WDPCP: variants seen among roughly 807,000 people sequenced by gnomAD.
WDPCP encodes WD repeat-containing and planar cell polarity effector protein fritz homolog.
WDPCP carries 71 observed loss-of-function variants against 93.1 expected under a neutral mutation model. That is an observed-to-expected ratio of 0.76 (90% CI 0.63 to 0.93). The LOEUF (loss-of-function observed/expected upper bound fraction) is 0.93, where lower values mean the gene tolerates loss of function less well. Among genes scored for constraint, WDPCP ranks in the 40% least tolerant of loss-of-function variants. WDPCP has a pLI of 0.00. For missense variants in WDPCP, 844 were observed against 887.4 expected (o/e 0.95, Z 0.62); for synonymous variants, 315 against 315.0 (o/e 1.00, Z 0.00).
chr2:63,259,293 G>A lies in WDPCP; in HGVS notation c.1915+14C>T. On this transcript the variant is annotated intron_variant, in intron 14 of 17. Transcript: ENST00000272321. ...TTAAAATAAAAAGCACTTAAAAATA[G>A]CGTTAATTCTTACCAACCCCAGAGG... 1 of 1,600,682 alleles carries A rather than the reference G, an allele frequency of 6.2e-7. No individual in the cohort carries two copies. The highest frequency in any genetic ancestry group is 8.6e-7 in the Non-Finnish European group (1 of 1,169,208).
At chr2:63,481,127 C>CA (rs1263800360) in intron 6 of WDPCP, among the ~76,000 whole-genome samples, 1 of 151,250 alleles carries the variant, frequency 6.6e-6, no homozygotes, top group Non-Finnish European at 1.5e-5. Context: ...GGCCAGCAAA[C>CA]ACATGGAAAA....
chr2:63,292,567 T>G (rs928026819), intron 13 of WDPCP, among the ~76,000 whole-genome samples: 1 of 152,162 alleles, frequency 6.6e-6, no homozygotes, highest in Non-Finnish European at 1.5e-5. Context: ...AGCAGTGGCT[T>G]TTTGCTATGC....
intron 1 of WDPCP, among the ~76,000 whole-genome samples, chr2:63,817,734 G>A (rs1162467803): frequency 6.6e-6 from 1 of 152,090 alleles, no homozygotes; most frequent in Non-Finnish European, 1.5e-5. Context: ...CTCTACTAAA[G>A]TTATAGTCTG....
intron 12 of WDPCP, among the ~76,000 whole-genome samples, chr2:63,319,299 A>G (rs148343135): frequency 1.1e-4 from 16 of 152,258 alleles, no homozygotes; most frequent in African/African-American, 3.9e-4. Flanking sequence ...GTATACAGTG[A>G]AAGGAAAGGG....
intron 15 of WDPCP, among the ~76,000 whole-genome samples, chr2:63,172,233 T>G (rs1673445627): frequency 6.6e-6 from 1 of 152,158 alleles, no homozygotes. Flanking sequence ...TATCCAGATA[T>G]GGTGGCTCAC....
intron 17 of WDPCP, among the ~76,000 whole-genome samples, chr2:63,136,764 A>G (rs1670649077): frequency 6.6e-6 from 1 of 151,976 alleles, no homozygotes; most frequent in Admixed American, 6.6e-5. Flanking sequence ...CTATGTGTCC[A>G]TGTGTTCTCA....
intron 2 of WDPCP, among the ~76,000 whole-genome samples, chr2:63,736,077 A>G (rs1176416174): frequency 1.3e-5 from 2 of 152,296 alleles, no homozygotes; most frequent in Admixed American, 6.5e-5. Flanking sequence ...CCCACCTCCA[A>G]TTTTACTGAC....
intron 17 of WDPCP, among the ~76,000 whole-genome samples, chr2:63,151,663 C>T (rs1006351932): frequency 6.6e-5 from 10 of 152,078 alleles, no homozygotes; most frequent in African/African-American, 9.7e-5. Flanking sequence ...TGTAATATGG[C>T]GTATTTCCCT....
At chr2:63,410,975 G>A (rs970384558) in intron 9 of WDPCP, among the ~76,000 whole-genome samples, 4 of 152,096 alleles carry the variant, frequency 2.6e-5, no homozygotes, top group Admixed American at 6.5e-5. Context: ...AACAGCACTA[G>A]ACAGGTCATC....
intron 2 of WDPCP, among the ~76,000 whole-genome samples, chr2:63,492,322 C>T (rs937438637): frequency 6.6e-6 from 1 of 151,714 alleles, no homozygotes; most frequent in Non-Finnish European, 1.5e-5. Flanking sequence ...TTGTGAAAAA[C>T]AAAGAACATG....
chr2:63,401,506 G>A (rs1694151229), intron 10 of WDPCP, among the ~76,000 whole-genome samples: 1 of 152,190 alleles, frequency 6.6e-6, no homozygotes, highest in African/African-American at 2.4e-5. Flanking sequence ...AGGTGCAGTG[G>A]CTCACACTTG....
At chr2:63,706,694 G>T (rs1235809779) in intron 2 of WDPCP, among the ~76,000 whole-genome samples, 1 of 135,104 alleles carries the variant, frequency 7.4e-6, no homozygotes, top group Non-Finnish European at 1.5e-5. Context: ...TCGGCTCACT[G>T]CAAGCTCCGC....
rs562419279 is a variant in WDPCP, at chr2:63,401,281, A to G, written c.1435+2767T>C. 2.0e-5 allele frequency among the ~76,000 whole-genome samples: 3 copies of G among 152,348 alleles called. 1 individual carries two copies. The highest frequency in any genetic ancestry group is 7.2e-5 in the African/African-American group (3 of 41,590). On this transcript the variant is annotated intron_variant, in intron 10 of 17. Coordinates refer to ENST00000272321, the MANE Select transcript of WDPCP (RefSeq NM_015910.7). ...GTCTAATATCCAGAATCTACAAGGAACTTAAACAAATTTACAAGAACAAAA... is the reference window on the plus strand; with the variant it reads ...GTCTAATATCCAGAATCTACAAGGAGCTTAAACAAATTTACAAGAACAAAA...
rs1358815276 is a variant in WDPCP, at chr2:63,622,867, A to G, written n.488+27792T>C. On this transcript the variant is annotated intron_variant and non_coding_transcript_variant, in intron 3 of 4. Coordinates refer to the WDPCP transcript ENST00000467687. Reference sequence around the variant, plus strand: ...GAAGTGGGCTCAGCACCCGCGCAGCATCAGGGGTGCGGAGCCTGGGAGGCA... The same window carrying G: ...GAAGTGGGCTCAGCACCCGCGCAGCGTCAGGGGTGCGGAGCCTGGGAGGCA... The G allele has an allele frequency of 3.9e-6, 6 of 1,550,902 alleles. No homozygotes were observed. In the Admixed American group the frequency reaches 5.2e-5, roughly 13 times the overall value.
rs976647988 is a variant in WDPCP, at chr2:63,269,542, A to C, written c.1813-10133T>G. ...TGAATATGCAAATTTACAGCAAAAA[A>C]AGCATTTAAAGCTAAAAAAATCTTG... On this transcript the variant is annotated intron_variant, in intron 13 of 17. Transcript: ENST00000272321. Among the ~76,000 whole-genome samples the C allele has an allele frequency of 2.0e-5, 3 of 152,292 alleles. No homozygotes were observed. The South Asian group carries it at 6.2e-4, about 32-fold the overall frequency.
intron 9 of WDPCP, among the ~76,000 whole-genome samples, chr2:63,423,523 C>G (rs1696027561): frequency 6.6e-6 from 1 of 152,092 alleles, no homozygotes; most frequent in Non-Finnish European, 1.5e-5. Flanking sequence ...GGTTTAATAG[C>G]TCTGCTTATA....
intron 2 of WDPCP, among the ~76,000 whole-genome samples, chr2:63,688,107 T>C (rs1369986108): frequency 6.6e-6 from 1 of 152,166 alleles, no homozygotes; most frequent in Non-Finnish European, 1.5e-5. Context: ...ACATCACATG[T>C]TCTTATTTAT....
intron 1 of WDPCP, among the ~76,000 whole-genome samples, chr2:63,587,578 T>G (rs1708948710): frequency 1.3e-5 from 2 of 152,238 alleles, no homozygotes; most frequent in South Asian, 4.1e-4. Context: ...TAGAGATGTT[T>G]TATTCATTTT....
intron 14 of WDPCP, among the ~76,000 whole-genome samples, chr2:63,187,556 C>G (rs186744981): frequency 6.6e-6 from 1 of 152,260 alleles, no homozygotes; most frequent in East Asian, 1.9e-4. Context: ...TATAACAAAT[C>G]TATTTTAGGC....
Sources: allele counts gnomAD v4.1 joint callset (sites outside exome capture counted in the v4.1 genomes callset), GRCh38; gene constraint gnomAD v4.1.1; transcripts MANE v1.5; gene names NCBI Gene and HGNC (gene_info 2026-07-23, HGNC 2026-07-21).